Variants in SCHIP1 observed in about 807,000 individuals in gnomAD.
SCHIP1 encodes the protein schwannomin-interacting protein 1.
In SCHIP1, 8 loss-of-function variants were observed where a neutral mutation model predicts 29.7. The observed-to-expected ratio is 0.27, with a 90% CI of 0.16 to 0.49. The LOEUF (loss-of-function observed/expected upper bound fraction) is 0.49, where lower values mean the gene tolerates loss of function less well. SCHIP1 is among the 20% of genes least tolerant of loss of function. The pLI is 0.99. For missense variants in SCHIP1, 193 were observed against 294.6 expected (o/e 0.66, Z 2.52); for synonymous variants, 76 against 94.9 (o/e 0.80, Z 1.16).
the SCHIP1 span, among the ~76,000 whole-genome samples, chr3:159,637,445 G>C: frequency 5.3e-5 from 8 of 150,934 alleles, no homozygotes; most frequent in Non-Finnish European, 1.0e-4. Flanking sequence ...TCTGCTAAGG[G>C]TGGGAGATAG....
At chr3:159,393,820 C>T in the SCHIP1 span, among the ~76,000 whole-genome samples, 2 of 151,918 alleles carry the variant, frequency 1.3e-5, no homozygotes, top group African/African-American at 4.8e-5. Context: ...TCCATATGAA[C>T]TTTAAAGTAG....
the SCHIP1 span, among the ~76,000 whole-genome samples, chr3:159,717,221 C>T: frequency 6.6e-6 from 1 of 152,176 alleles, no homozygotes; most frequent in Admixed American, 6.5e-5. Context: ...CTCTGGGACA[C>T]ATTTAAAGCA....
At chr3:159,888,085 T>C in intron 4 of SCHIP1, 180 bp downstream of exon 5, 1 of 847,750 alleles carries the variant, frequency 1.2e-6, no homozygotes, top group Non-Finnish European at 1.8e-6. Context: ...GACTGAAAAA[T>C]ACAGAAGCAA....
chr3:159,628,546 G>C, the SCHIP1 span, among the ~76,000 whole-genome samples: 2 of 152,050 alleles, frequency 1.3e-5, no homozygotes, highest in African/African-American at 4.8e-5. Flanking sequence ...ACAAGATATA[G>C]AATTTCACCA....
At chr3:159,599,743 G>A in the SCHIP1 span, among the ~76,000 whole-genome samples, 15 of 151,986 alleles carry the variant, frequency 9.9e-5, no homozygotes, top group East Asian at 5.8e-4. Context: ...TTGTCATTGC[G>A]GTCTGGTGGA....
chr3:159,318,472 G>A, the SCHIP1 span, among the ~76,000 whole-genome samples: 4 of 152,222 alleles, frequency 2.6e-5, no homozygotes, highest in African/African-American at 9.6e-5. Context: ...TGCCCACTGG[G>A]AAGATTTCCC....
chr3:159,489,006 A>G, the SCHIP1 span, among the ~76,000 whole-genome samples: 7 of 152,140 alleles, frequency 4.6e-5, no homozygotes, highest in Non-Finnish European at 7.4e-5. Context: ...GTCCAAATTC[A>G]TAAGTGTTGA....
chr3:159,744,806 C>A, the SCHIP1 span, among the ~76,000 whole-genome samples: 1 of 151,934 alleles, frequency 6.6e-6, no homozygotes, highest in Non-Finnish European at 1.5e-5. Context: ...TGAAACCTCA[C>A]CTCTACTAAA....
the SCHIP1 span, among the ~76,000 whole-genome samples, chr3:159,637,964 G>A: frequency 9.9e-5 from 15 of 152,142 alleles, no homozygotes; most frequent in African/African-American, 3.6e-4. Flanking sequence ...GTCCATCTAT[G>A]TATCACAATG....
chr3:159,588,481 T>C, the SCHIP1 span, among the ~76,000 whole-genome samples: 1 of 152,232 alleles, frequency 6.6e-6, no homozygotes, highest in African/African-American at 2.4e-5. Flanking sequence ...TAGATCCCAT[T>C]TGTCAATTTT....
At chr3:159,778,603 TGAG>T in the SCHIP1 span, among the ~76,000 whole-genome samples, 1 of 152,176 alleles carries the variant, frequency 6.6e-6, no homozygotes, top group Non-Finnish European at 1.5e-5. Context: ...GGCTGTGACT[TGAG>T]GAGGGAGGGG....
At chr3:159,437,778 G>T in the SCHIP1 span, among the ~76,000 whole-genome samples, 1 of 152,160 alleles carries the variant, frequency 6.6e-6, no homozygotes, top group Non-Finnish European at 1.5e-5. Context: ...AGTTTTATGA[G>T]ACAAGGTTTA....
At chr3:159,574,828 C>T in the SCHIP1 span, among the ~76,000 whole-genome samples, 2 of 152,252 alleles carry the variant, frequency 1.3e-5, no homozygotes, top group South Asian at 4.1e-4. Flanking sequence ...GCAGACGCCC[C>T]TCCCCAACCA....
At chr3:159,719,690 A>G in the SCHIP1 span, among the ~76,000 whole-genome samples, 1,313 of 152,350 alleles carry the variant, frequency 8.6e-3, 23 homozygotes, top group African/African-American at 0.029. Flanking sequence ...ATGAGATAGC[A>G]TCTCACACCA....
At chr3:159,464,716 C>T in the SCHIP1 span, among the ~76,000 whole-genome samples, 3 of 152,082 alleles carry the variant, frequency 2.0e-5, no homozygotes, top group African/African-American at 7.2e-5. Context: ...ACCCACGGAG[C>T]TTGAATCAAT....
At chr3:159,520,312 C>T in the SCHIP1 span, among the ~76,000 whole-genome samples, 3 of 152,068 alleles carry the variant, frequency 2.0e-5, no homozygotes, top group Non-Finnish European at 2.9e-5. Flanking sequence ...AAGGCAGGAC[C>T]GGAGCTTCCC....
chr3:159,819,068 A>T, the SCHIP1 span, among the ~76,000 whole-genome samples: 1 of 152,192 alleles, frequency 6.6e-6, no homozygotes. Flanking sequence ...AGTCATCTGA[A>T]AGCTTGACTG....
chr3:159,555,058 C>T, the SCHIP1 span, among the ~76,000 whole-genome samples: 222 of 152,234 alleles, frequency 1.5e-3, 1 homozygote, highest in African/African-American at 5.0e-3. Context: ...TAAAAATTGG[C>T]ATTTAATCTC....
chr3:159,841,720 A>G (rs907655965), intron 1 of SCHIP1, among the ~76,000 whole-genome samples: 5 of 152,234 alleles, frequency 3.3e-5, no homozygotes, highest in Admixed American at 1.3e-4. Flanking sequence ...TTAGCATTCT[A>G]CTTCTTCCAA....
Sources: gnomAD v4.1 joint callset for allele counts (sites outside exome capture counted in the v4.1 genomes callset) on GRCh38, gnomAD v4.1.1 for gene constraint, MANE v1.5 for transcripts, NCBI Gene and HGNC (gene_info 2026-07-23, HGNC 2026-07-21) for gene names.